IGF2R: variants seen among roughly 807,000 people sequenced by gnomAD.
IGF2R encodes insulin like growth factor 2 receptor, also known as cation-independent mannose-6-phosphate receptor.
Under a neutral mutation model 270.6 loss-of-function variants are expected in IGF2R, and 91 were observed. The observed-to-expected ratio is 0.34, with a 90% CI of 0.28 to 0.40. IGF2R has a LOEUF of 0.40. IGF2R is among the 10% of genes least tolerant of loss of function. IGF2R has a pLI of 1.00. For synonymous variants in IGF2R, 1,316 were observed against 1,258.9 expected (o/e 1.05, Z -0.96); for missense variants, 2,805 against 3,188.3 (o/e 0.88, Z 2.90).
In IGF2R at chr6:159,998,834, TAA is replaced by T. The variant is rs778292036; in HGVS notation, c.289+7515_289+7516del. On this transcript the variant is annotated intron_variant, in intron 2 of 47. Transcript: ENST00000356956. This position sits in a 1 kb window ranked among gnomAD's most constrained non-coding sequence, Gnocchi z 4.1. ...AATCAAATCTAATTTGCATATACAA[TAA>T]AAATACCTAAATTTTGTTGCACATT... 3.9e-5 allele frequency among the ~76,000 whole-genome samples: 6 copies of T among 152,326 alleles called. No individual in the cohort carries two copies. The South Asian group carries it at 8.3e-4, about 21-fold the overall frequency.
intron 41 of IGF2R, among the ~76,000 whole-genome samples, chr6:160,085,517 G>C (rs971733822): frequency 3.3e-5 from 5 of 152,222 alleles, no homozygotes; most frequent in Non-Finnish European, 5.9e-5. Flanking sequence ...ACTTGGTACA[G>C]GTAGTTCAGA....
At chr6:160,103,838 T>C (rs2114745479) in intron 47 of IGF2R, 23 bp downstream of exon 47, 1 of 1,541,564 alleles carries the variant, frequency 6.5e-7, no homozygotes, top group Non-Finnish European at 9.0e-7. Flanking sequence ...GGCGAGTCTC[T>C]TGAAGGCCTG....
intron 10 of IGF2R, 104 bp from the exon 11 acceptor site, chr6:160,040,456 C>A (rs928711559): frequency 1.1e-6 from 1 of 910,178 alleles, no homozygotes; most frequent in Non-Finnish European, 1.7e-6. Flanking sequence ...AATTTTTTAA[C>A]GGAGCAGTTG....
chr6:160,045,658 C>G, intron 13 of IGF2R, 87 bp from the exon 14 acceptor site: 7 of 1,532,680 alleles, frequency 4.6e-6, no homozygotes, highest in Non-Finnish European at 5.4e-6. Flanking sequence ...CTGTCCCTTC[C>G]AAGTCTACTT....
Position 159,982,700 on chromosome 6 carries a change from A to G in IGF2R, c.150-8484A>G, listed in dbSNP as rs982966720. ...TTACATGACCATTAGCATAACCCCA[A>G]GATTCACAGGGACTGAGGAAACTAA... On this transcript the variant is annotated intron_variant, in intron 1 of 47. Coordinates refer to ENST00000356956, the MANE Select transcript of IGF2R (RefSeq NM_000876.4). Among the ~76,000 whole-genome samples, 4 of 152,358 alleles carry G rather than the reference A, an allele frequency of 2.6e-5. No homozygotes were observed. The South Asian group carries it at 8.3e-4, about 32-fold the overall frequency.
chr6:160,065,814 G>GTGTATTTATATATATA, intron 29 of IGF2R, among the ~76,000 whole-genome samples: 5 of 78,392 alleles, frequency 6.4e-5, no homozygotes, highest in African/African-American at 1.1e-4. Context: ...GTGTGTGTGT[G>GTGTATTTATATATATA]TATATATATA....
intron 4 of IGF2R, among the ~76,000 whole-genome samples, chr6:160,021,979 C>T (rs1420413507): frequency 1.3e-5 from 2 of 148,604 alleles, no homozygotes; most frequent in African/African-American, 5.0e-5. Flanking sequence ...ACGGAATAAA[C>T]GTTAAGTGCC....
In IGF2R at chr6:160,000,728, G is replaced by GTTTTTTTTTTTTTTTT. The variant is rs59215791; in HGVS notation, c.290-8272_290-8257dup. Among the ~76,000 whole-genome samples, 33 of 69,962 alleles carry GTTTTTTTTTTTTTTTT rather than the reference G, an allele frequency of 4.7e-4. 4 individuals carry two copies. Among genetic ancestry groups the GTTTTTTTTTTTTTTTT allele is most frequent in the African/African-American group, 1.9e-3 (31 of 16,728 alleles). 45.9% of individuals were successfully genotyped at this position (69,962 alleles called of 152,430 possible). A position where few individuals can be genotyped will look rare whatever the true frequency, so the allele number is the denominator to read the frequency against. On this transcript the variant is annotated intron_variant, in intron 2 of 47. Coordinates refer to ENST00000356956, the MANE Select transcript of IGF2R (RefSeq NM_000876.4). The stretch of plus-strand genomic sequence containing the variant: ...GGAAGATAATAGTTGGTGTGAGGTT[G>GTTTTTTTTTTTTTTTT]TTTTTTTTTTTTTTTTTTTTTTTTT...
At chr6:159,991,997 G>A (rs1249608263) in intron 2 of IGF2R, among the ~76,000 whole-genome samples, 2 of 152,242 alleles carry the variant, frequency 1.3e-5, no homozygotes, top group African/African-American at 4.8e-5. Context: ...GGGAGGCAGG[G>A]CAGACAGAAA....
At chr6:160,038,316 C>T (rs1265307971) in intron 10 of IGF2R, among the ~76,000 whole-genome samples, 6 of 152,068 alleles carry the variant, frequency 3.9e-5, no homozygotes, top group Non-Finnish European at 8.8e-5. Flanking sequence ...AAGTCAAAGC[C>T]CAGTATGCTT....
intron 39 of IGF2R, among the ~76,000 whole-genome samples, chr6:160,081,324 G>A (rs942946613): frequency 3.3e-5 from 5 of 152,034 alleles, no homozygotes; most frequent in South Asian, 2.1e-4. Flanking sequence ...GTTCTGTGAT[G>A]CCCCCGAGCC....
At chr6:160,041,077 C>G (rs895668050) in intron 11 of IGF2R, among the ~76,000 whole-genome samples, 1 of 152,166 alleles carries the variant, frequency 6.6e-6, no homozygotes, top group Non-Finnish European at 1.5e-5. Context: ...CCTCAGCGTG[C>G]AGTGGGCTTG....
chr6:160,093,936 T>C, intron 44 of IGF2R: 1 of 703,352 alleles, frequency 1.4e-6, no homozygotes, highest in South Asian at 1.4e-5. Context: ...TCACAGACTT[T>C]GCTAAGGTTT....
intron 4 of IGF2R, 117 bp from the exon 5 acceptor site, chr6:160,024,455 A>G (rs1777508952): frequency 1.0e-6 from 1 of 965,940 alleles, no homozygotes; most frequent in East Asian, 2.4e-5. Context: ...ATTAGGGGAC[A>G]CCATAGCATG....
chr6:160,010,652 A>G, intron 3 of IGF2R, 35 bp from the exon 4 acceptor site: 1 of 1,172,386 alleles, frequency 8.5e-7, no homozygotes, highest in Non-Finnish European at 1.3e-6. Context: ...AATGTGTGGT[A>G]TGGTAACATT....
Position 160,072,668 on chromosome 6 carries a change from G to A in IGF2R, c.4571-97G>A, listed in dbSNP as rs1366979197. 15 of 1,380,336 alleles carry A rather than the reference G, an allele frequency of 1.1e-5. 1 individual carries two copies. Among genetic ancestry groups the A allele is most frequent in the South Asian group, 7.1e-5 (6 of 84,418 alleles). 85.5% of individuals were successfully genotyped at this position (1,380,336 alleles called of 1,614,324 possible). ...GTCGTGGTGAGAAGTCAGAAGTCCCGATGCTGACATAATCTGTGTGTGAGC... is the reference window on the plus strand; with the variant it reads ...GTCGTGGTGAGAAGTCAGAAGTCCCAATGCTGACATAATCTGTGTGTGAGC... On this transcript the variant is annotated intron_variant, in intron 32 of 47. Coordinates refer to ENST00000356956, the MANE Select transcript of IGF2R (RefSeq NM_000876.4).
At chr6:159,992,276 A>G (rs1473822085) in intron 2 of IGF2R, among the ~76,000 whole-genome samples, 1 of 152,134 alleles carries the variant, frequency 6.6e-6, no homozygotes, top group Non-Finnish European at 1.5e-5. Context: ...AGTTTGTTAC[A>G]TGGATATATT....
chr6:160,001,730 C>T (rs2115192396), intron 2 of IGF2R, among the ~76,000 whole-genome samples: 1 of 152,318 alleles, frequency 6.6e-6, no homozygotes, highest in East Asian at 1.9e-4. Context: ...AAAAATCATA[C>T]ATTAGTTTTT....
chr6:160,068,348 C>G lies in IGF2R; in HGVS notation c.4215C>G (p.Ile1405Met). Reference protein sequence around the residue: ...TGTGDPEHYLINVCKSLAPQA... With the variant: ...TGTGDPEHYLMNVCKSLAPQA... The stretch of plus-strand genomic sequence containing the variant: ...CGGGGGACCCGGAGCACTACCTCAT[C>G]AATGTCTGCAAGTCTCTGGCCCCGC... The change falls in exon 30 of 48, where the codon ATC (isoleucine) becomes ATG (methionine). Residue 1405 changes from isoleucine (I) to methionine (M), a missense_variant. Around this residue, in one of 2 missense-constraint regions of IGF2R, gnomAD observed 1,851 missense variants for 2,207.2 expected, o/e 0.84. Coordinates refer to ENST00000356956, the MANE Select transcript of IGF2R (RefSeq NM_000876.4). The G allele has an allele frequency of 6.2e-7, 1 of 1,614,262 alleles. No homozygotes were observed. The highest frequency in any genetic ancestry group is 8.5e-7 in the Non-Finnish European group (1 of 1,180,054).
Sources: gnomAD v4.1 joint callset for allele counts (sites outside exome capture counted in the v4.1 genomes callset) on GRCh38, gnomAD v4.1.1 for gene constraint, gnomAD v4.1.1 regional missense constraint, Gnocchi (gnomAD v3.1) non-coding constraint, MANE v1.5 for transcripts, NCBI Gene and HGNC (gene_info 2026-07-23, HGNC 2026-07-21) for gene names.